The following CABCOCO1 variants were observed in gnomAD, a reference collection of about 807,000 sequenced individuals.
CABCOCO1 encodes the protein ciliary-associated calcium-binding coiled-coil protein 1.
CABCOCO1 carries 28 observed loss-of-function variants against 35.7 expected under a neutral mutation model. The observed-to-expected ratio is 0.78, with a 90% CI of 0.58 to 1.07. The LOEUF (loss-of-function observed/expected upper bound fraction) is 1.07. Among genes scored for constraint, CABCOCO1 ranks in the 50% least tolerant of loss-of-function variants. The pLI is 0.00. For synonymous variants in CABCOCO1, 95 were observed against 100.1 expected (o/e 0.95, Z 0.30); for missense variants, 326 against 309.2 (o/e 1.05, Z -0.41).
At chr10:61,669,180 G>A (rs1839284777) in intron 1 of CABCOCO1, among the ~76,000 whole-genome samples, 1 of 151,770 alleles carries the variant, frequency 6.6e-6, no homozygotes, top group African/African-American at 2.4e-5. Context: ...ACCAGTGATG[G>A]ATACAAAGAT....
At chr10:61,699,670 G>A (rs1192577250) in intron 5 of CABCOCO1, among the ~76,000 whole-genome samples, 1 of 151,930 alleles carries the variant, frequency 6.6e-6, no homozygotes, top group Admixed American at 6.6e-5. Flanking sequence ...AAAAGCGAGA[G>A]AAGAAGGAAG....
chr10:61,666,493 A>G (rs906165032), intron 1 of CABCOCO1, among the ~76,000 whole-genome samples: 2 of 152,164 alleles, frequency 1.3e-5, no homozygotes, highest in Non-Finnish European at 2.9e-5. Context: ...CTTGTAGCAA[A>G]TTCTGGCTGT....
intron 5 of CABCOCO1, among the ~76,000 whole-genome samples, chr10:61,711,618 T>C (rs1840734741): frequency 6.6e-6 from 1 of 152,046 alleles, no homozygotes; most frequent in Non-Finnish European, 1.5e-5. Context: ...GACTATCAAA[T>C]AATTTGACAT....
At chr10:61,695,213 A>G (rs1367769420) in intron 5 of CABCOCO1, among the ~76,000 whole-genome samples, 1 of 151,920 alleles carries the variant, frequency 6.6e-6, no homozygotes, top group African/African-American at 2.4e-5. Flanking sequence ...AGAAAAATAC[A>G]ATAAAAATTA....
intron 3 of CABCOCO1, among the ~76,000 whole-genome samples, chr10:61,685,724 C>T (rs1839937657): frequency 6.6e-6 from 1 of 152,216 alleles, no homozygotes; most frequent in African/African-American, 2.4e-5. Context: ...CCATGCCTGG[C>T]TAATTTTTGG....
At chr10:61,760,295 C>T in intron 6 of CABCOCO1, 114 bp downstream of exon 6, 1 of 1,330,372 alleles carries the variant, frequency 7.5e-7, no homozygotes, top group South Asian at 1.5e-5. Flanking sequence ...TTTTCCCAAC[C>T]AAATACAAAT....
Position 61,716,113 on chromosome 10 carries a change from A to T in CABCOCO1, c.552+25492A>T. Among the ~76,000 whole-genome samples, 3 of 152,290 alleles carry T rather than the reference A, an allele frequency of 2.0e-5. No homozygotes were observed. In the Middle Eastern group the frequency reaches 0.01, roughly 518 times the overall value. On this transcript the variant is annotated intron_variant, in intron 5 of 7. Coordinates refer to ENST00000648843, the MANE Select transcript of CABCOCO1 (RefSeq NM_001366906.2). ...TAAATTGCTTCATATTTAAGATGAT[A>T]TAAAATTATAAGAAGTTTTCCTATA...
At chr10:61,703,308 T>C (rs1200185498) in intron 5 of CABCOCO1, among the ~76,000 whole-genome samples, 1 of 151,080 alleles carries the variant, frequency 6.6e-6, no homozygotes, top group Non-Finnish European at 1.5e-5. Flanking sequence ...GATCATCCAT[T>C]ATTCAAGGAA....
intron 5 of CABCOCO1, among the ~76,000 whole-genome samples, chr10:61,736,054 T>C (rs1449461023): frequency 6.6e-6 from 1 of 152,204 alleles, no homozygotes; most frequent in Non-Finnish European, 1.5e-5. Context: ...AGATGCTGAA[T>C]ATTAGACATT....
At chr10:61,746,290 C>T (rs565239043) in intron 5 of CABCOCO1, among the ~76,000 whole-genome samples, 57 of 152,274 alleles carry the variant, frequency 3.7e-4, no homozygotes, top group Non-Finnish European at 4.9e-4. Context: ...GTGATAACTT[C>T]ATGTGATTCA....
intron 5 of CABCOCO1, among the ~76,000 whole-genome samples, chr10:61,758,722 T>C (rs552189122): frequency 2.0e-5 from 3 of 152,190 alleles, no homozygotes; most frequent in African/African-American, 7.2e-5. Context: ...AGGCCAATCA[T>C]TTAACCTCTT....
At chr10:61,757,059 GATTTT>G (rs962251013) in intron 5 of CABCOCO1, among the ~76,000 whole-genome samples, 3 of 151,086 alleles carry the variant, frequency 2.0e-5, no homozygotes, top group Non-Finnish European at 4.4e-5. Context: ...TTTTTAAATA[GATTTT>G]ATTACAGAAC....
At chr10:61,713,285 A>C (rs2132032005) in intron 5 of CABCOCO1, among the ~76,000 whole-genome samples, 1 of 152,228 alleles carries the variant, frequency 6.6e-6, no homozygotes. Context: ...ATGGGAGTTC[A>C]CTCATGATTT....
chr10:61,672,192 G>A (rs939175761), intron 1 of CABCOCO1, among the ~76,000 whole-genome samples: 1 of 152,100 alleles, frequency 6.6e-6, no homozygotes, highest in African/African-American at 2.4e-5. Flanking sequence ...TTGTGCCTAT[G>A]CTTGTCCTTT....
intron 5 of CABCOCO1, among the ~76,000 whole-genome samples, chr10:61,730,360 A>G (rs1249388667): frequency 1.3e-5 from 2 of 152,140 alleles, no homozygotes; most frequent in South Asian, 2.1e-4. Flanking sequence ...AAATTATGAT[A>G]GGAACAAATT....
chr10:61,726,946 C>G (rs1274938644), intron 5 of CABCOCO1, among the ~76,000 whole-genome samples: 1 of 151,448 alleles, frequency 6.6e-6, no homozygotes, highest in East Asian at 1.9e-4. Context: ...ACCTGTAATT[C>G]CAGCTCTAGG....
chr10:61,713,043 A>G (rs890132439), intron 5 of CABCOCO1, among the ~76,000 whole-genome samples: 2 of 152,324 alleles, frequency 1.3e-5, no homozygotes, highest in Non-Finnish European at 1.5e-5. Flanking sequence ...TTCTGTGACG[A>G]AAGTCATTGG....
intron 7 of CABCOCO1, among the ~76,000 whole-genome samples, chr10:61,763,259 G>C (rs1210782933): frequency 3.3e-5 from 5 of 151,900 alleles, no homozygotes; most frequent in Non-Finnish European, 7.4e-5. Flanking sequence ...GTGGTTTCAG[G>C]CATATTTTAC....
intron 5 of CABCOCO1, among the ~76,000 whole-genome samples, chr10:61,726,109 C>G (rs1841142359): frequency 6.6e-6 from 1 of 152,152 alleles, no homozygotes; most frequent in South Asian, 2.1e-4. Flanking sequence ...TTTAGGCAGG[C>G]ATACCCCTTG....
Sources: allele counts gnomAD v4.1 joint callset (sites outside exome capture counted in the v4.1 genomes callset), GRCh38; gene constraint gnomAD v4.1.1; transcripts MANE v1.5; gene names NCBI Gene and HGNC (gene_info 2026-07-23, HGNC 2026-07-21).